KRT39: variants seen among roughly 807,000 people sequenced by gnomAD.
KRT39 encodes keratin, type I cytoskeletal 39.
A neutral mutation model predicts 54.8 loss-of-function variants in KRT39; 47 were observed. The observed-to-expected ratio is 0.86, with a 90% CI of 0.68 to 1.09. KRT39 has a LOEUF of 1.09. Ranked by LOEUF, KRT39 falls within the 50% of genes least tolerant of loss-of-function variation. The pLI is 0.00. For missense variants in KRT39, 580 were observed against 598.5 expected (o/e 0.97, Z 0.32); for synonymous variants, 207 against 227.9 (o/e 0.91, Z 0.83).
chr17:40,963,456 A>G (rs1002452908), intron 3 of KRT39, among the ~76,000 whole-genome samples, 171 bp downstream of exon 3: 2 of 152,140 alleles, frequency 1.3e-5, no homozygotes, highest in Non-Finnish European at 2.9e-5. Context: ...TGGAACTGTG[A>G]CTCAGTTACA....
rs200455118 is a variant in KRT39 at position 40,966,878 on chromosome 17, T to TA, written c.-23_-22insT. ...CCATAGTATGTGTCTGGCTTTAGTT[T>TA]GTTCCAGGTCTGTGGTCACCAGGAT... On this transcript the variant is annotated 5_prime_UTR_variant, in exon 1 of 7. Coordinates refer to ENST00000355612, the MANE Select transcript of KRT39 (RefSeq NM_213656.4). The TA allele has an allele frequency of 3.7e-3, 5,673 of 1,514,260 alleles. 151 individuals are homozygous for TA. The African/African-American group carries it at 0.089, about 24-fold the overall frequency. The allele number at this position is 1,514,260 out of a possible 1,614,324, so 93.8% of individuals were successfully genotyped here.
intron 5 of KRT39, among the ~76,000 whole-genome samples, chr17:40,961,337 G>A (rs1911144787): frequency 6.6e-6 from 1 of 152,108 alleles, no homozygotes; most frequent in South Asian, 2.1e-4. Context: ...TGGGATTTTA[G>A]GTTTTAATAG....
intron 3 of KRT39, 68 bp from the exon 4 acceptor site, chr17:40,962,631 C>A: frequency 7.4e-7 from 1 of 1,348,122 alleles, no homozygotes; most frequent in Non-Finnish European, 1.0e-6. Flanking sequence ...TTGTTTCACT[C>A]TAACTGCTAC....
Position 40,966,431 on chromosome 17 carries a change from A to G in KRT39, c.426T>C (p.Asp142=). The change falls in exon 1 of 7, where the codon GAT becomes GAC. Residue 142 remains aspartate (D), a synonymous_variant. Transcript: ENST00000355612. ...SNKELPVLCP[D]YLSYYTTIEE... ...CAATGGTAGTGTAGTAAGACAGGTA[A>G]TCAGGACATAGAACAGGGAGCTCTT... 6.2e-7 allele frequency: 1 copy of G among 1,614,184 alleles called. No homozygotes were observed. The highest frequency in any genetic ancestry group is 8.5e-7 in the Non-Finnish European group (1 of 1,180,012).
rs757973664 is a variant in KRT39 at position 40,958,853 on chromosome 17, G to A, written c.1224C>T (p.Pro408=). The A allele has an allele frequency of 5.0e-6, 8 of 1,585,304 alleles. No homozygotes were observed. The highest frequency in any genetic ancestry group is 6.0e-6 in the Non-Finnish European group (7 of 1,165,080). Residue 408 remains proline (P), a synonymous_variant, in exon 7 of 7, where the codon CCC becomes CCT. Transcript: ENST00000355612. ...SLLESSDGKR[P]CYPRATKCEP... is the part of the protein sequence containing the mutation. ...CACATTTGGTGGCACGTGGGTAACA[G>A]GGACGCCTAAGGAAAAAAAACACAA...
intron 1 of KRT39, among the ~76,000 whole-genome samples, chr17:40,965,207 A>C (rs1276070415): frequency 6.7e-6 from 1 of 149,472 alleles, no homozygotes; most frequent in African/African-American, 2.5e-5. Context: ...CCGTCTCAAA[A>C]AAAAAAAAAA....
rs769864918 is a variant in KRT39 at position 40,966,724 on chromosome 17, G to C, written c.133C>G (p.Gln45Glu). Residue 45 changes from glutamine to glutamate, a missense_variant, in exon 1 of 7, where the codon CAA (glutamine) becomes GAA (glutamate). Transcript: ENST00000355612. ...HPGGLTVNNC[Q>E]PAGHVLRIPW... Reference sequence around the variant, plus strand: ...ATTCTGAGAACGTGGCCAGCTGGTTGACAGTTGTTGACTGTAAGGCCACCA... The same window carrying C: ...ATTCTGAGAACGTGGCCAGCTGGTTCACAGTTGTTGACTGTAAGGCCACCA... The C allele has an allele frequency of 1.9e-6, 3 of 1,614,200 alleles. No individual in the cohort carries two copies. The South Asian group carries it at 3.3e-5, about 18-fold the overall frequency.
At position 40,964,461 on chromosome 17, in the gene KRT39, T is replaced by C; in HGVS notation, c.536A>G (p.Asp179Gly). Residue 179 changes from aspartate (D) to glycine (G), a missense_variant, in exon 2 of 7, where the codon GAT becomes GGT. By Grantham distance (94) the Asp-to-Gly change is moderately conservative (BLOSUM62 -1). Coordinates refer to ENST00000355612, the MANE Select transcript of KRT39 (RefSeq NM_213656.4). ...GTGGGCTTACTTGGCTCTCAAGTCA[T>C]CTGCAGTCAGTTTGGTGTTGTCAAT... Reference protein sequence around the residue: ...SQIDNTKLTADDLRAKYEAEV... With the variant: ...SQIDNTKLTAGDLRAKYEAEV... 2.5e-6 allele frequency: 4 copies of C among 1,614,150 alleles called. No individual in the cohort carries two copies. The highest frequency in any genetic ancestry group is 1.1e-5 in the South Asian group (1 of 91,078).
At chr17:40,964,767 TTG>T (rs1491042291) in intron 1 of KRT39, among the ~76,000 whole-genome samples, 1 of 111,162 alleles carries the variant, frequency 9.0e-6, no homozygotes, top group Non-Finnish European at 1.7e-5. Flanking sequence ...TTTGTTGTTG[TTG>T]TTAAAAAATC....
chr17:40,965,660 T>C (rs2143627593), intron 1 of KRT39, among the ~76,000 whole-genome samples: 1 of 152,264 alleles, frequency 6.6e-6, no homozygotes, highest in Admixed American at 6.5e-5. Context: ...GTGGAGATGA[T>C]AACATAAGCA....
In KRT39 at chr17:40,960,352, C is replaced by T; in HGVS notation, c.1146G>A (p.Leu382=). The change falls in exon 6 of 7, where the codon CTG becomes CTA. Residue 382 remains leucine (L), a synonymous_variant. Coordinates refer to ENST00000355612, the MANE Select transcript of KRT39 (RefSeq NM_213656.4). ...ATTCCAGCCGGGACTTGACGTCCAG[C>T]AGGATCTCGTATTCTTGGTTCTGTC... ...LERQNQEYEI[L]LDVKSRLECE... is the part of the protein sequence containing the mutation. 3 of 1,614,134 alleles carry T rather than the reference C, an allele frequency of 1.9e-6. No individual in the cohort carries two copies. The highest frequency in any genetic ancestry group is 2.2e-5 in the South Asian group (2 of 91,078).
chr17:40,959,858 G>C (rs1170692479), intron 6 of KRT39, among the ~76,000 whole-genome samples: 2 of 152,206 alleles, frequency 1.3e-5, no homozygotes, highest in Non-Finnish European at 2.9e-5. Context: ...AGGGGTTTCA[G>C]CCTGAGCAGA....
chr17:40,963,569 G>GA (rs1911238582), intron 3 of KRT39, 58 bp downstream of exon 3: 1 of 1,502,302 alleles, frequency 6.7e-7, no homozygotes, highest in African/African-American at 1.4e-5. Context: ...CAACTCAAAG[G>GA]AACTGATGCT....
intron 6 of KRT39, 35 bp downstream of exon 6, chr17:40,960,245 CT>C: frequency 6.3e-7 from 1 of 1,581,834 alleles, no homozygotes; most frequent in South Asian, 1.1e-5. Context: ...TTCATTTACA[CT>C]TTTTTGTCAT....
rs1567830266 is a variant in KRT39, at chr17:40,960,278, T to C, written c.1217+3A>G. ...TCATAGAAGTTGCTGTTATTTTACA[T>C]ACTTGCCATCCGAGCTCTCCAGAAG... On this transcript the variant is annotated splice_donor_region_variant and intron_variant, in intron 6 of 6. Transcript: ENST00000355612. The C allele has an allele frequency of 3.7e-6, 6 of 1,610,444 alleles. No individual in the cohort carries two copies. The highest frequency in any genetic ancestry group is 2.5e-6 in the Non-Finnish European group (3 of 1,179,710).
intron 2 of KRT39, 96 bp from the exon 3 acceptor site, chr17:40,963,879 C>T (rs1248079825): frequency 2.3e-6 from 2 of 855,322 alleles, no homozygotes. Context: ...CTGGGCACCT[C>T]ACTTAGTGTA....
In KRT39 at chr17:40,964,436, G is replaced by C; in HGVS notation, c.551+10C>G. The C allele has an allele frequency of 6.2e-7, 1 of 1,613,392 alleles. No homozygotes were observed. On this transcript the variant is annotated intron_variant, in intron 2 of 6. Coordinates refer to ENST00000355612, the MANE Select transcript of KRT39 (RefSeq NM_213656.4). Reference sequence around the variant, plus strand: ...GCTCTGTCATTGATGACGGTGTTGGGTGGGCTTACTTGGCTCTCAAGTCAT... The same window carrying C: ...GCTCTGTCATTGATGACGGTGTTGGCTGGGCTTACTTGGCTCTCAAGTCAT...
chr17:40,959,372 G>T (rs1191936428), intron 6 of KRT39, among the ~76,000 whole-genome samples: 1 of 152,214 alleles, frequency 6.6e-6, no homozygotes, highest in Non-Finnish European at 1.5e-5. Context: ...CTGAACCCCA[G>T]CTATGAAAGA....
At chr17:40,964,847 G>A (rs1911304822) in intron 1 of KRT39, among the ~76,000 whole-genome samples, 2 of 151,980 alleles carry the variant, frequency 1.3e-5, no homozygotes, top group Non-Finnish European at 2.9e-5. Flanking sequence ...CGGATCACGA[G>A]GTCAAGAGAT....
Sources: allele counts gnomAD v4.1 joint callset (sites outside exome capture counted in the v4.1 genomes callset), GRCh38; gene constraint gnomAD v4.1.1; transcripts MANE v1.5; gene names NCBI Gene and HGNC (gene_info 2026-07-23, HGNC 2026-07-21).